The following L3HYPDH variants were observed in gnomAD, a reference collection of about 807,000 sequenced individuals.
L3HYPDH encodes trans-3-hydroxy-L-proline dehydratase.
Under a neutral mutation model 26.5 loss-of-function variants are expected in L3HYPDH, and 32 were observed. The observed-to-expected ratio is 1.21, with a 90% CI of 0.91 to 1.62. L3HYPDH has a LOEUF of 1.62. Among genes scored for constraint, L3HYPDH ranks in the 40% most tolerant of loss-of-function variants. The probability of loss-of-function intolerance (pLI) is 0.00; values close to 1 mark genes in which losing one functional copy is unlikely to be tolerated. For synonymous variants in L3HYPDH, 215 were observed against 196.6 expected (o/e 1.09, Z -0.78); for missense variants, 554 against 476.4 (o/e 1.16, Z -1.52).
downstream of L3HYPDH, among the ~76,000 whole-genome samples, chr14:59,469,594 G>T (rs554158791): frequency 1.2e-4 from 17 of 141,814 alleles, no homozygotes; most frequent in East Asian, 2.2e-3. Context: ...AAAAGGTTGG[G>T]GGGTAAAAGA....
chr14:59,485,158 G>A (rs1890435416), upstream of L3HYPDH: 1 of 1,588,996 alleles, frequency 6.3e-7, no homozygotes, highest in Admixed American at 1.7e-5. Flanking sequence ...TTATCATACT[G>A]GTTTTCAGGC....
chr14:59,475,674 A>C (rs1594907824), intron 4 of L3HYPDH, among the ~76,000 whole-genome samples, 195 bp downstream of exon 4: 1 of 152,228 alleles, frequency 6.6e-6, no homozygotes, highest in East Asian at 1.9e-4. Flanking sequence ...ACCCATGGAA[A>C]GGACCTTAGG....
Position 59,472,920 on chromosome 14 carries a change from A to G in L3HYPDH, c.*45T>C, listed in dbSNP as rs1287707305. 1.3e-6 allele frequency: 2 copies of G among 1,525,224 alleles called. No individual in the cohort carries two copies. Among genetic ancestry groups the G allele is most frequent in the African/African-American group, 1.4e-5 (1 of 70,472 alleles). The allele number at this position is 1,525,224 out of a possible 1,614,324, so 94.5% of individuals were successfully genotyped here. A position where few individuals can be genotyped will look rare whatever the true frequency, so the allele number is the denominator to read the frequency against. ...AATTTAGAGAAAACAGTCCTTAAGGATAATGATTACTTTAAAAAGAAAGCC... is the reference window on the plus strand; with the variant it reads ...AATTTAGAGAAAACAGTCCTTAAGGGTAATGATTACTTTAAAAAGAAAGCC... On this transcript the variant is annotated 3_prime_UTR_variant, in exon 5 of 5. Coordinates refer to ENST00000247194, the MANE Select transcript of L3HYPDH (RefSeq NM_144581.2).
At chr14:59,484,818 G>A, upstream of L3HYPDH, 1 of 945,408 alleles carries the variant, frequency 1.1e-6, no homozygotes, top group South Asian at 1.7e-5. Context: ...CGAAATGCCA[G>A]GTCTTTGTTG....
chr14:59,486,559 G>A, upstream of L3HYPDH: 1 of 624,740 alleles, frequency 1.6e-6, no homozygotes, highest in East Asian at 2.8e-5. Flanking sequence ...TGTAAAAGGA[G>A]AAATGTAAAT....
chr14:59,465,484 C>T (rs960885638), intron 1 of L3HYPDH: 5 of 358,950 alleles, frequency 1.4e-5, no homozygotes, highest in Non-Finnish European at 2.5e-5. Context: ...GACACCGCCA[C>T]TCCGGAGGTT....
chr14:59,478,615 T>C (rs1460774979), intron 2 of L3HYPDH: 1 of 152,336 alleles, frequency 6.6e-6, no homozygotes, highest in Non-Finnish European at 1.5e-5. Context: ...TTACTGAACA[T>C]TTACTATTGG....
the L3HYPDH span, chr14:59,501,043 C>G: frequency 1.8e-6 from 1 of 569,258 alleles, no homozygotes; most frequent in Non-Finnish European, 3.1e-6. Context: ...AGCTTGCTGG[C>G]CACTGCCTCA....
Position 59,484,219 on chromosome 14 carries a change from C to G in L3HYPDH, c.98G>C (p.Arg33Pro). 6.3e-7 allele frequency: 1 copy of G among 1,598,614 alleles called. No individual in the cohort carries two copies. The highest frequency in any genetic ancestry group is 1.1e-5 in the South Asian group (1 of 91,050). ...VDMHTGGEPL[R>P]IVLAGCPEVS... ...CTCCGGACACCCCGCCAGCACGATACGCAAGGGCTCGCCGCCCGTGTGCAT... is the reference window on the plus strand; with the variant it reads ...CTCCGGACACCCCGCCAGCACGATAGGCAAGGGCTCGCCGCCCGTGTGCAT... The change falls in exon 1 of 5, where the codon CGT becomes CCT. Residue 33 changes from arginine (R) to proline (P), a missense_variant. Transcript: ENST00000247194.
chr14:59,487,975 A>G, upstream of L3HYPDH: 1 of 793,786 alleles, frequency 1.3e-6, no homozygotes, highest in Non-Finnish European at 2.0e-6. Context: ...AACTGTGACA[A>G]GAAAACTTAA....
At chr14:59,503,307 T>C in the L3HYPDH span, among the ~76,000 whole-genome samples, 1 of 152,224 alleles carries the variant, frequency 6.6e-6, no homozygotes, top group Non-Finnish European at 1.5e-5. Flanking sequence ...CATTTAGATA[T>C]TTTGTATTTC....
chr14:59,467,942 A>G (rs896563955), downstream of L3HYPDH, among the ~76,000 whole-genome samples: 1 of 152,214 alleles, frequency 6.6e-6, no homozygotes, highest in African/African-American at 2.4e-5. Flanking sequence ...GCATCCATTC[A>G]TCTCCTCCAT....
At chr14:59,503,874 C>T in the L3HYPDH span, 1 of 1,610,958 alleles carries the variant, frequency 6.2e-7, no homozygotes, top group Non-Finnish European at 8.5e-7. Flanking sequence ...ATCTTCTGGT[C>T]AGAAAGAAAA....
At chr14:59,471,130 A>G (rs1202428695), downstream of L3HYPDH, among the ~76,000 whole-genome samples, 1 of 152,070 alleles carries the variant, frequency 6.6e-6, no homozygotes, top group Non-Finnish European at 1.5e-5. Context: ...TGATTTCCCT[A>G]ATGTTTTTTA....
At chr14:59,496,273 A>G in the L3HYPDH span, among the ~76,000 whole-genome samples, 1 of 150,666 alleles carries the variant, frequency 6.6e-6, no homozygotes, top group African/African-American at 2.4e-5. Flanking sequence ...TAATTTATAT[A>G]TAAAATACTA....
chr14:59,503,377 T>C, the L3HYPDH span, among the ~76,000 whole-genome samples: 1 of 152,220 alleles, frequency 6.6e-6, no homozygotes, highest in African/African-American at 2.4e-5. Context: ...AATCAGAGTG[T>C]TCATGTGTCA....
At chr14:59,470,953 GGC>G (rs1491553845), downstream of L3HYPDH, among the ~76,000 whole-genome samples, 266 of 103,278 alleles carry the variant, frequency 2.6e-3, 2 homozygotes, top group African/African-American at 9.2e-3. Flanking sequence ...GGTGGCTGGG[GGC>G]GGGGGGGGGG....
rs2139843844 is a variant in L3HYPDH at position 59,484,387 on chromosome 14, C to T, written c.-71G>A. 2.0e-6 allele frequency: 3 copies of T among 1,481,820 alleles called. No homozygotes were observed. Among genetic ancestry groups the T allele is most frequent in the Non-Finnish European group, 2.7e-6 (3 of 1,099,526 alleles). 91.8% of individuals were successfully genotyped at this position (1,481,820 alleles called of 1,614,324 possible). On this transcript the variant is annotated 5_prime_UTR_variant, in exon 1 of 5. Transcript: ENST00000247194. ...AAGCCCGACCCTCACCCACTGACTCCGCGGGAGGAGGGCGGGACGCTAACC... is the reference window on the plus strand; with the variant it reads ...AAGCCCGACCCTCACCCACTGACTCTGCGGGAGGAGGGCGGGACGCTAACC...
upstream of L3HYPDH, among the ~76,000 whole-genome samples, chr14:59,486,134 T>C (rs1425559634): frequency 1.3e-5 from 2 of 152,208 alleles, no homozygotes; most frequent in African/African-American, 2.4e-5. Context: ...AGTGACAGCC[T>C]TGATGAAATT....
Sources: allele counts gnomAD v4.1 joint callset (sites outside exome capture counted in the v4.1 genomes callset), GRCh38; gene constraint gnomAD v4.1.1; transcripts MANE v1.5; gene names NCBI Gene and HGNC (gene_info 2026-07-23, HGNC 2026-07-21).